The following ABCG8 variants were observed in gnomAD, a reference collection of about 807,000 sequenced individuals.
ABCG8 encodes ATP-binding cassette sub-family G member 8.
A neutral mutation model predicts 71.3 loss-of-function variants in ABCG8; 81 were observed. That is an observed-to-expected ratio of 1.14 (90% CI 0.95 to 1.37). The LOEUF is 1.37. ABCG8 is among the 40% of genes most tolerant of loss of function. The pLI is 0.00. For synonymous variants in ABCG8, 451 were observed against 354.7 expected, an observed-to-expected ratio of 1.27 and a Z score of -3.05; for missense variants, 1,119 against 866.2, an observed-to-expected ratio of 1.29 and a Z score of -3.66.
At chr2:43,846,378 A>T (rs1668744120) in intron 3 of ABCG8, 67 bp downstream of exon 3, 1 of 1,604,990 alleles carries the variant, frequency 6.2e-7, no homozygotes, top group African/African-American at 1.3e-5. Flanking sequence ...CTTTGGACAA[A>T]TGGATGCTTC....
intron 6 of ABCG8, among the ~76,000 whole-genome samples, chr2:43,869,577 C>T (rs972199083): frequency 6.6e-6 from 1 of 152,024 alleles, no homozygotes; most frequent in African/African-American, 2.4e-5. Flanking sequence ...ATAGAACTCT[C>T]AGTATCTGGA....
chr2:43,839,898 G>T (rs1166864203), intron 1 of ABCG8, among the ~76,000 whole-genome samples: 6 of 152,174 alleles, frequency 3.9e-5, no homozygotes, highest in African/African-American at 1.4e-4. Context: ...GCTCTAACAG[G>T]CAATCGTAAG....
intron 1 of ABCG8, among the ~76,000 whole-genome samples, chr2:43,844,152 T>A (rs1668664100): frequency 6.6e-6 from 1 of 152,134 alleles, no homozygotes; most frequent in African/African-American, 2.4e-5. Context: ...TCCAGTCAGG[T>A]CTTCTCAGAG....
chr2:43,855,727 A>G (rs1669080469), intron 6 of ABCG8, among the ~76,000 whole-genome samples: 1 of 151,740 alleles, frequency 6.6e-6, no homozygotes, highest in African/African-American at 2.4e-5. Flanking sequence ...TCTAGATAGA[A>G]TTCTCACTCT....
chr2:43,842,258 C>A lies in ABCG8; in HGVS notation c.64-2249C>A, dbSNP rs113627167. 3.0e-3 allele frequency among the ~76,000 whole-genome samples: 453 copies of A among 152,276 alleles called. 2 individuals are homozygous for A. Among genetic ancestry groups the A allele is most frequent in the African/African-American group, 0.011 (445 of 41,554 alleles). ...GAACTCCTGGCCTCAGGTGATCTGC[C>A]CTCCTCAGCTTCCCAAAGTGCTGGG... On this transcript the variant is annotated intron_variant, in intron 1 of 12. Transcript: ENST00000272286.
chr2:43,868,125 C>T (rs1669599842), intron 6 of ABCG8, among the ~76,000 whole-genome samples: 1 of 151,912 alleles, frequency 6.6e-6, no homozygotes, highest in Non-Finnish European at 1.5e-5. Context: ...ATCGAATTCT[C>T]ATTCTATGGA....
rs952029008 is a variant in ABCG8 at position 43,852,380 on chromosome 2, G to T, written c.588G>T (p.Arg196=). The part of the protein sequence containing the change: ...KRVEDVIAEL[R]LRQCADTRVG... ...TGGAGGACGTGATCGCGGAGCTGCG[G>T]CTTAGGCAGTGCGCTGACACCCGCG... The change falls in exon 5 of 13, where the codon CGG becomes CGT. Residue 196 remains arginine (R), a synonymous_variant. Coordinates refer to ENST00000272286, the MANE Select transcript of ABCG8 (RefSeq NM_022437.3). The T allele has an allele frequency of 6.2e-7, 1 of 1,612,198 alleles. No homozygotes were observed. The highest frequency in any genetic ancestry group is 8.5e-7 in the Non-Finnish European group (1 of 1,180,030).
intron 6 of ABCG8, among the ~76,000 whole-genome samples, chr2:43,861,808 C>T (rs7580380): frequency 0.43 from 65,314 of 150,544 alleles, 14,985 homozygotes; most frequent in East Asian, 0.86. Context: ...CTCTCACTAC[C>T]GGGATAGAAT....
intron 1 of ABCG8, 137 bp downstream of exon 1, chr2:43,839,253 T>C: frequency 1.0e-6 from 1 of 964,968 alleles, no homozygotes; most frequent in Non-Finnish European, 1.6e-6. Flanking sequence ...CGCAGGACTG[T>C]TTCCTGCATG....
chr2:43,849,047 GGAAAA>G (rs1434095757), intron 3 of ABCG8, among the ~76,000 whole-genome samples: 1 of 137,682 alleles, frequency 7.3e-6, no homozygotes, highest in Non-Finnish European at 1.6e-5. Flanking sequence ...AAAAAAAAAA[GGAAAA>G]GAAAAGAAAG....
At chr2:43,857,215 CTTA>C (rs1669143133) in intron 6 of ABCG8, among the ~76,000 whole-genome samples, 1 of 146,512 alleles carries the variant, frequency 6.8e-6, no homozygotes, top group African/African-American at 2.5e-5. Context: ...GGATAAAACT[CTTA>C]ACTATCTGTC....
At position 43,870,173 on chromosome 2, in the gene ABCG8, C is replaced by A. The variant is rs139642425; in HGVS notation, c.965-1803C>A. On this transcript the variant is annotated intron_variant, in intron 6 of 12. Coordinates refer to ENST00000272286, the MANE Select transcript of ABCG8 (RefSeq NM_022437.3). ...ACTACCTGTCTCGATAGAATTCTCA[C>A]CCTCTGGATAGAACTCTCACAATCT... Among the ~76,000 whole-genome samples, 357 of 152,194 alleles carry A rather than the reference C, an allele frequency of 2.3e-3. 3 individuals are homozygous for A. Among genetic ancestry groups the A allele is most frequent in the Middle Eastern group, 0.01 (3 of 294 alleles).
chr2:43,864,718 A>G (rs1437734888), intron 6 of ABCG8, among the ~76,000 whole-genome samples: 2 of 150,310 alleles, frequency 1.3e-5, no homozygotes, highest in East Asian at 2.0e-4. Flanking sequence ...CCCACCCTCT[A>G]GGTAGAACTC....
At chr2:43,858,988 C>A (rs72796776) in intron 6 of ABCG8, among the ~76,000 whole-genome samples, 8,161 of 146,876 alleles carry the variant, frequency 0.056, 277 homozygotes, top group Middle Eastern at 0.14. Flanking sequence ...CTCTGTCTGG[C>A]TATAATTCTC....
At chr2:43,859,993 C>T (rs1343669483) in intron 6 of ABCG8, among the ~76,000 whole-genome samples, 1 of 151,222 alleles carries the variant, frequency 6.6e-6, no homozygotes, top group Non-Finnish European at 1.5e-5. Context: ...AGAATTCTCA[C>T]CCTCTGGACA....
chr2:43,840,049 G>A (rs575795198), intron 1 of ABCG8, among the ~76,000 whole-genome samples: 13 of 152,328 alleles, frequency 8.5e-5, no homozygotes, highest in Middle Eastern at 3.4e-3. Context: ...TTTGAAGCAG[G>A]AGGCTAAACT....
intron 11 of ABCG8, among the ~76,000 whole-genome samples, chr2:43,875,773 G>C (rs1432538509): frequency 6.6e-6 from 1 of 152,182 alleles, no homozygotes; most frequent in Non-Finnish European, 1.5e-5. Context: ...GCCATAGCCT[G>C]GTCTCTGTAA....
At position 43,880,749 on chromosome 2, in the gene ABCG8, CAG is replaced by C. The variant is rs1298376363; in HGVS notation, c.*2839_*2840del. On this transcript the variant is annotated 3_prime_UTR_variant, in exon 13 of 13. Transcript: ENST00000272286. ...AACATCCATTTCCAATCCAGCATCA[CAG>C]AGTTGATCCTAGGTTCTTCCCTCTT... The C allele has an allele frequency of 6.6e-6, 1 of 152,282 alleles. No homozygotes were observed. The highest frequency in any genetic ancestry group is 1.5e-5 in the Non-Finnish European group (1 of 68,070). 9.4% of individuals were successfully genotyped at this position (152,282 alleles called of 1,614,324 possible).
At chr2:43,860,086 C>G (rs796875076) in intron 6 of ABCG8, among the ~76,000 whole-genome samples, 2 of 130,244 alleles carry the variant, frequency 1.5e-5, no homozygotes, top group South Asian at 5.4e-4. Context: ...ACCCTCTGGA[C>G]AGAACTCTGA....
Sources: gnomAD v4.1 joint callset for allele counts (sites outside exome capture counted in the v4.1 genomes callset) on GRCh38, gnomAD v4.1.1 for gene constraint, MANE v1.5 for transcripts, NCBI Gene and HGNC (gene_info 2026-07-23, HGNC 2026-07-21) for gene names.